Variants in TRIP11 observed in about 807,000 individuals in gnomAD.
The protein encoded by TRIP11 is thyroid receptor-interacting protein 11.
Under a neutral mutation model 223.1 loss-of-function variants are expected in TRIP11, and 148 were observed. The ratio of observed to expected loss-of-function variants is 0.66; its 90% CI spans 0.58 to 0.76. The LOEUF is 0.76. Among genes scored for constraint, TRIP11 ranks in the 30% least tolerant of loss-of-function variants. The pLI, the probability that TRIP11 is intolerant of heterozygous loss-of-function variation, is 0.00. For synonymous variants in TRIP11, 762 were observed against 772.6 expected, an observed-to-expected ratio of 0.99 and a Z score of 0.23; for missense variants, 2,043 against 2,222.0, an observed-to-expected ratio of 0.92 and a Z score of 1.62.
At chr14:91,980,146 C>A (rs908266166) in intron 16 of TRIP11, among the ~76,000 whole-genome samples, 2 of 152,142 alleles carry the variant, frequency 1.3e-5, no homozygotes, top group Admixed American at 6.5e-5. Context: ...TGGTCTTCAA[C>A]ATTTGGTTTA....
intron 9 of TRIP11, among the ~76,000 whole-genome samples, chr14:92,009,428 G>A (rs1369690926): frequency 6.6e-6 from 1 of 152,160 alleles, no homozygotes; most frequent in African/African-American, 2.4e-5. Flanking sequence ...AGGAGAAACA[G>A]CTATCAGGAC....
At chr14:91,969,942 A>G in intron 20 of TRIP11, 49 bp from the exon 21 acceptor site, 1 of 1,530,300 alleles carries the variant, frequency 6.5e-7, no homozygotes, top group Non-Finnish European at 9.0e-7. Flanking sequence ...CAAAGAAGTC[A>G]AAATGAAATA....
chr14:92,020,530 C>T (rs1331802956), intron 4 of TRIP11, among the ~76,000 whole-genome samples: 2 of 152,072 alleles, frequency 1.3e-5, no homozygotes, highest in Non-Finnish European at 2.9e-5. Context: ...CCTCAGACAA[C>T]ATCTAAGCAA....
At chr14:92,013,368 A>G (rs2056997184) in intron 7 of TRIP11, among the ~76,000 whole-genome samples, 1 of 152,230 alleles carries the variant, frequency 6.6e-6, no homozygotes, top group Non-Finnish European at 1.5e-5. Context: ...CTCATTACTA[A>G]AACTACAAGG....
At chr14:92,034,047 T>C (rs1340803622) in intron 1 of TRIP11, among the ~76,000 whole-genome samples, 4 of 152,198 alleles carry the variant, frequency 2.6e-5, no homozygotes, top group Non-Finnish European at 5.9e-5. Flanking sequence ...GAGCACTCCC[T>C]CTGTATGTGT....
Position 92,005,072 on chromosome 14 carries a change from C to A in TRIP11, c.2904G>T (p.Leu968Phe). 5 of 1,613,792 alleles carry A rather than the reference C, an allele frequency of 3.1e-6. No homozygotes were observed. Among genetic ancestry groups the A allele is most frequent in the Non-Finnish European group, 4.2e-6 (5 of 1,180,012 alleles). Residue 968 changes from leucine (L) to phenylalanine (F), a missense_variant, in exon 11 of 21, where the codon TTG becomes TTT. Transcript: ENST00000267622. ...FLEKDEEIKS[L>F]QKTIEQIKTQ... ...TTTTGATTTGTTCAATTGTTTTTTG[C>A]AAACTCTTAATTTCCTCATCCTTCT...
intron 6 of TRIP11, among the ~76,000 whole-genome samples, chr14:92,015,101 G>A (rs965280138): frequency 2.6e-5 from 4 of 151,672 alleles, no homozygotes; most frequent in Admixed American, 6.6e-5. Context: ...ACGGGATTTC[G>A]CCATGTTGGC....
At position 92,027,921 on chromosome 14, in the gene TRIP11, G is replaced by C. The variant is rs571416193; in HGVS notation, c.202-2501C>G. 5.3e-5 allele frequency among the ~76,000 whole-genome samples: 8 copies of C among 152,228 alleles called. No homozygotes were observed. The South Asian group carries it at 1.7e-3, about 32-fold the overall frequency. On this transcript the variant is annotated intron_variant, in intron 2 of 20. Coordinates refer to ENST00000267622, the MANE Select transcript of TRIP11 (RefSeq NM_004239.4). ...TACAGCATCCACAAATCCTAGTTTG[G>C]GACTCTATCCCCAGAAATCTAACAC...
At position 92,003,986 on chromosome 14, in the gene TRIP11, A is replaced by G. The variant is rs373258612; in HGVS notation, c.3990T>C (p.Leu1330=). 6.8e-6 allele frequency: 11 copies of G among 1,614,180 alleles called. No individual in the cohort carries two copies. In the African/African-American group the frequency reaches 1.5e-4, roughly 22 times the overall value. ...SLLTPQSAEC[L]RASKSEVLSE... ...TCAATACTTCAGACTTACTTGCTCT[A>G]AGACACTCTGCAGACTGGGGAGTAA... The change falls in exon 11 of 21, where the codon CTT becomes CTC. Residue 1330 remains leucine (L), a synonymous_variant. Transcript: ENST00000267622.
chr14:92,030,203 C>CAAAAAA (rs55828319), intron 2 of TRIP11, among the ~76,000 whole-genome samples: 6 of 67,080 alleles, frequency 8.9e-5, no homozygotes, highest in East Asian at 5.0e-4. Flanking sequence ...GACTCCGTCT[C>CAAAAAA]AAAAAAAAAA....
At position 92,026,620 on chromosome 14, in the gene TRIP11, G is replaced by C. The variant is rs573255035; in HGVS notation, c.202-1200C>G. 33 of 1,233,032 alleles carry C rather than the reference G, an allele frequency of 2.7e-5. No homozygotes were observed. The East Asian group carries it at 7.7e-4, about 29-fold the overall frequency. The allele number at this position is 1,233,032 out of a possible 1,614,324, so 76.4% of individuals were successfully genotyped here. ...CGAAATCACCACCAAGGACTTAAAG[G>C]AGAAGAAGGAAGTTGTGGAAGAGGC... On this transcript the variant is annotated intron_variant, in intron 2 of 20. Transcript: ENST00000267622.
At chr14:91,991,456 T>A (rs2056670927) in intron 15 of TRIP11, among the ~76,000 whole-genome samples, 1 of 152,168 alleles carries the variant, frequency 6.6e-6, no homozygotes, top group South Asian at 2.1e-4. Context: ...ACTTTGAAAG[T>A]CTGATAATGT....
intron 2 of TRIP11, among the ~76,000 whole-genome samples, chr14:92,032,832 C>CAA (rs200430285): frequency 2.7e-5 from 2 of 75,310 alleles, no homozygotes; most frequent in Non-Finnish European, 5.9e-5. Flanking sequence ...GACCCCGTTT[C>CAA]AAAAAAAAAA....
chr14:91,975,173 T>C lies in TRIP11; in HGVS notation c.5456A>G (p.Gln1819Arg), dbSNP rs1362707845. 1 of 1,612,684 alleles carries C rather than the reference T, an allele frequency of 6.2e-7. No individual in the cohort carries two copies. The highest frequency in any genetic ancestry group is 1.3e-5 in the African/African-American group (1 of 74,896). ...AGATGGCTTTCATCGTCCAGTCACC[T>C]GCTCCATCTCCTCCCTTCTGACGCC... ...ILGVRREEMEQLFHDDQGGVT... is the reference protein window; with the variant it reads ...ILGVRREEMERLFHDDQGGVT... The change falls in exon 18 of 21, where the codon CAG (glutamine) becomes CGG (arginine). Residue 1819 changes from glutamine to arginine, a missense_variant and splice_region_variant. By Grantham distance (43) the Gln-to-Arg change is conservative. Coordinates refer to ENST00000267622, the MANE Select transcript of TRIP11 (RefSeq NM_004239.4).
chr14:92,030,121 C>T (rs1009766810), intron 2 of TRIP11, among the ~76,000 whole-genome samples: 5 of 148,408 alleles, frequency 3.4e-5, no homozygotes, highest in South Asian at 4.3e-4. Context: ...GGCGTGAACC[C>T]GGGAGGCGGA....
chr14:91,972,403 A>G lies in TRIP11; in HGVS notation c.5719+314T>C, dbSNP rs2295162. Reference sequence around the variant, plus strand: ...CAGGTGGCCAAGAAAGATGTAACCAATTCCCCATCACTTCCAGAGGAATAA... The same window carrying G: ...CAGGTGGCCAAGAAAGATGTAACCAGTTCCCCATCACTTCCAGAGGAATAA... On this transcript the variant is annotated intron_variant, in intron 20 of 20. Transcript: ENST00000267622. Among the ~76,000 whole-genome samples, 78,767 of 152,078 alleles carry G rather than the reference A, an allele frequency of 0.52. 21,563 individuals are homozygous for G. Among genetic ancestry groups the G allele is most frequent in the African/African-American group, 0.7 (28,834 of 41,462 alleles).
rs768358054 is a variant in TRIP11, at chr14:92,014,432, A to C, written c.969T>G (p.Ser323=). The change falls in exon 7 of 21, where the codon TCT becomes TCG. Residue 323 remains serine, a synonymous_variant. Transcript: ENST00000267622. ...AAATATCTCTGTCATTTTCTGCAGA[A>C]GATAATTTTTTATTTATATCTTTTA... ...DKIKDINKKL[S]SAENDRDILR... is the part of the protein sequence containing the mutation. 4 of 1,607,082 alleles carry C rather than the reference A, an allele frequency of 2.5e-6. No individual in the cohort carries two copies. The Admixed American group carries it at 6.7e-5, about 27-fold the overall frequency.
At chr14:92,025,113 T>C (rs1302123309) in intron 3 of TRIP11, among the ~76,000 whole-genome samples, 197 bp downstream of exon 3, 1 of 152,198 alleles carries the variant, frequency 6.6e-6, no homozygotes, top group Non-Finnish European at 1.5e-5. Context: ...TTTATATATG[T>C]AAACTTAATA....
At chr14:91,999,917 AG>A (rs2056800241) in intron 12 of TRIP11, 50 bp downstream of exon 12, 2 of 1,605,878 alleles carry the variant, frequency 1.2e-6, no homozygotes, top group African/African-American at 2.7e-5. Flanking sequence ...TTCTCTTAAT[AG>A]TTATTAAACT....
Sources: allele counts gnomAD v4.1 joint callset (sites outside exome capture counted in the v4.1 genomes callset), GRCh38; gene constraint gnomAD v4.1.1; transcripts MANE v1.5; gene names NCBI Gene and HGNC (gene_info 2026-07-23, HGNC 2026-07-21).